Variants in RXRA observed in about 807,000 individuals in gnomAD.
RXRA encodes retinoic acid receptor RXR-alpha.
In RXRA, 5 loss-of-function variants were observed where a neutral mutation model predicts 44.5. The ratio of observed to expected loss-of-function variants is 0.11; its 90% CI spans 0.06 to 0.24. RXRA has a LOEUF of 0.24. RXRA is among the 10% of genes least tolerant of loss of function. The pLI, the probability that RXRA is intolerant of heterozygous loss-of-function variation, is 1.00. For missense variants in RXRA, 412 were observed against 646.5 expected (o/e 0.64, Z 3.93); for synonymous variants, 291 against 271.4 (o/e 1.07, Z -0.71).
chr9:134,348,473 T>G (rs902441719), intron 1 of RXRA, among the ~76,000 whole-genome samples: 1 of 151,542 alleles, frequency 6.6e-6, no homozygotes, highest in Non-Finnish European at 1.5e-5. Flanking sequence ...TGTCCCGAGG[T>G]CCCCCAGGGC....
In RXRA at chr9:134,376,167, C is replaced by T. The variant is rs189129660; in HGVS notation, c.29-25465C>T. On this transcript the variant is annotated intron_variant, in intron 1 of 9. Transcript: ENST00000481739. Reference sequence around the variant, plus strand: ...CCCCGCTGGTTGGGGCGGAAGAAGGCGGCCCCTCTGCAGGCGCAGCCAGGC... The same window carrying T: ...CCCCGCTGGTTGGGGCGGAAGAAGGTGGCCCCTCTGCAGGCGCAGCCAGGC... Among the ~76,000 whole-genome samples, 369 of 152,322 alleles carry T rather than the reference C, an allele frequency of 2.4e-3. 1 individual carries two copies. The highest frequency in any genetic ancestry group is 8.5e-3 in the African/African-American group (353 of 41,574).
intron 1 of RXRA, among the ~76,000 whole-genome samples, chr9:134,377,497 G>A (rs1338544448): frequency 1.3e-5 from 2 of 152,146 alleles, no homozygotes; most frequent in African/African-American, 4.8e-5. Context: ...GAAGGCATGC[G>A]TGTCCTTCCT....
chr9:134,330,873 G>T (rs1333025541), intron 1 of RXRA, among the ~76,000 whole-genome samples: 1 of 152,220 alleles, frequency 6.6e-6, no homozygotes, highest in Admixed American at 6.5e-5. Flanking sequence ...AAGGCAGCCT[G>T]GTGTGTTGTA....
chr9:134,421,919 C>T, intron 6 of RXRA, 114 bp downstream of exon 6: 1 of 1,531,822 alleles, frequency 6.5e-7, no homozygotes, highest in Non-Finnish European at 8.7e-7. Context: ...TGTCCTGGGA[C>T]ACTCCCCCCT....
At chr9:134,424,520 C>A (rs1325361180) in intron 6 of RXRA, 1 of 985,296 alleles carries the variant, frequency 1.0e-6, no homozygotes, top group Non-Finnish European at 1.2e-6. Flanking sequence ...GGCATGAGTC[C>A]CAGCCCCACT....
In RXRA at chr9:134,426,452, C is replaced by T. The variant is rs1005949365; in HGVS notation, c.911-2656C>T. 1.6e-5 allele frequency: 16 copies of T among 985,240 alleles called. No homozygotes were observed. The highest frequency in any genetic ancestry group is 1.1e-4 in the East Asian group (1 of 8,822). The allele number at this position is 985,240 out of a possible 1,614,324, so 61.0% of individuals were successfully genotyped here. A position where few individuals can be genotyped will look rare whatever the true frequency, so the allele number is the denominator to read the frequency against. ...AGGAGAAATAACCGAGTGAGGACAT[C>T]GGGGTGGAGGGACAGGGGACAGGGG... On this transcript the variant is annotated intron_variant, in intron 6 of 9. Transcript: ENST00000481739. The surrounding 1 kb of genome is among the most constrained non-coding windows in gnomAD (Gnocchi z 4.6).
At chr9:134,370,721 G>C (rs1293993962) in intron 1 of RXRA, among the ~76,000 whole-genome samples, 1 of 151,830 alleles carries the variant, frequency 6.6e-6, no homozygotes, top group East Asian at 2.0e-4. Flanking sequence ...GATCTGGACA[G>C]CAGCGTCCAC....
chr9:134,339,900 T>A (rs1554747919), intron 1 of RXRA, among the ~76,000 whole-genome samples: 3 of 152,082 alleles, frequency 2.0e-5, no homozygotes, highest in African/African-American at 7.2e-5. Context: ...TGAGCCTGTG[T>A]GTGTCTGTGT....
At chr9:134,382,343 T>C (rs1331559030) in intron 1 of RXRA, among the ~76,000 whole-genome samples, 1 of 152,012 alleles carries the variant, frequency 6.6e-6, no homozygotes, top group African/African-American at 2.4e-5. Context: ...AGCTCAGGCC[T>C]TTAGCACCTT....
In RXRA at chr9:134,335,471, G is replaced by A. The variant is rs77534687; in HGVS notation, c.28+8812G>A. ...GTTCTAGCCAAGGGTATGGGGAAGG[G>A]ATGCCCGTGCGGGCGTAAGTAGGGG... is the stretch of plus-strand genomic sequence containing the variant. On this transcript the variant is annotated intron_variant, in intron 1 of 9. Coordinates refer to ENST00000481739, the MANE Select transcript of RXRA (RefSeq NM_002957.6). Among the ~76,000 whole-genome samples the A allele has an allele frequency of 5.3e-5, 8 of 152,308 alleles. No individual in the cohort carries two copies. In the East Asian group the frequency reaches 1.5e-3, roughly 29 times the overall value.
chr9:134,378,189 A>G (rs1340336020), intron 1 of RXRA, among the ~76,000 whole-genome samples: 1 of 152,238 alleles, frequency 6.6e-6, no homozygotes, highest in African/African-American at 2.4e-5. Context: ...GAGCTCTGGA[A>G]GTGCCAGGCC....
intron 2 of RXRA, chr9:134,404,437 C>CAGA (rs1430057440): frequency 1.4e-4 from 21 of 152,506 alleles, no homozygotes; most frequent in African/African-American, 5.0e-4. Context: ...CACAGTGTCC[C>CAGA]AGAGCCTTCC....
intron 1 of RXRA, among the ~76,000 whole-genome samples, chr9:134,340,578 C>G (rs950079902): frequency 6.6e-6 from 1 of 152,086 alleles, no homozygotes; most frequent in African/African-American, 2.4e-5. Flanking sequence ...ACCGACCACC[C>G]GAAGCACTCA....
At chr9:134,327,832 C>G (rs782396186) in intron 1 of RXRA, among the ~76,000 whole-genome samples, 1 of 152,170 alleles carries the variant, frequency 6.6e-6, no homozygotes, top group Non-Finnish European at 1.5e-5. Context: ...TGCCCCGTGA[C>G]CGGGGCAGGC....
intron 1 of RXRA, chr9:134,379,152 T>A: frequency 1.8e-6 from 1 of 568,380 alleles, no homozygotes; most frequent in Non-Finnish European, 2.2e-6. Context: ...CCACCACACC[T>A]CCTCTGCACA....
chr9:134,431,911 G>A lies in RXRA; in HGVS notation c.1050G>A (p.Leu350=), dbSNP rs767875870. 6.2e-7 allele frequency: 1 copy of A among 1,613,466 alleles called. No homozygotes were observed. Among genetic ancestry groups the A allele is most frequent in the East Asian group, 2.2e-5 (1 of 44,884 alleles). The change falls in exon 8 of 10, where the codon CTG becomes CTA. Residue 350 remains leucine, a synonymous_variant. Transcript: ENST00000481739. ...CTGCCCTCCTCCTCTGCAGGGTGCT[G>A]ACGGAGCTTGTGTCCAAGATGCGGG... ...AGVGAIFDRV[L]TELVSKMRDM...
intron 1 of RXRA, among the ~76,000 whole-genome samples, chr9:134,382,131 G>C (rs1205254212): frequency 6.6e-6 from 1 of 151,966 alleles, no homozygotes; most frequent in Non-Finnish European, 1.5e-5. Flanking sequence ...GATGTGGGGG[G>C]GCGCAGGGCA....
intron 1 of RXRA, among the ~76,000 whole-genome samples, chr9:134,346,095 G>A (rs1245297939): frequency 6.6e-6 from 1 of 152,164 alleles, no homozygotes; most frequent in Non-Finnish European, 1.5e-5. Flanking sequence ...CCAGAGTGGT[G>A]TGGTATTGGG....
At chr9:134,388,286 T>TGTGTGTGTGA (rs71381810) in intron 1 of RXRA, among the ~76,000 whole-genome samples, 12 of 150,888 alleles carry the variant, frequency 8.0e-5, no homozygotes, top group Non-Finnish European at 1.8e-4. Flanking sequence ...AGAAGCAGTG[T>TGTGTGTGTGA]GTGTGTGAGT....
Sources: gnomAD v4.1 joint callset for allele counts (sites outside exome capture counted in the v4.1 genomes callset) on GRCh38, gnomAD v4.1.1 for gene constraint, Gnocchi (gnomAD v3.1) non-coding constraint, MANE v1.5 for transcripts, NCBI Gene and HGNC (gene_info 2026-07-23, HGNC 2026-07-21) for gene names.